SH3PXD2A: variants seen among roughly 807,000 people sequenced by gnomAD.
SH3PXD2A encodes the protein SH3 and PX domain-containing protein 2A.
In SH3PXD2A, 32 loss-of-function variants were observed where a neutral mutation model predicts 115.2. That is an observed-to-expected ratio of 0.28 (90% CI 0.21 to 0.37). The LOEUF (loss-of-function observed/expected upper bound fraction) is 0.37, where lower values mean the gene tolerates loss of function less well. Among genes scored for constraint, SH3PXD2A ranks in the 10% least tolerant of loss-of-function variants. The pLI, the probability that SH3PXD2A is intolerant of heterozygous loss-of-function variation, is 1.00. For missense variants in SH3PXD2A, 1,328 were observed against 1,498.7 expected (o/e 0.89, Z 1.88); for synonymous variants, 610 against 629.1 (o/e 0.97, Z 0.45).
intron 5 of SH3PXD2A, among the ~76,000 whole-genome samples, chr10:103,699,743 C>T (rs934264638): frequency 3.3e-5 from 5 of 152,232 alleles, no homozygotes; most frequent in Non-Finnish European, 1.5e-5. Flanking sequence ...TCTCTGCCCC[C>T]ATTTGCTCCC....
intron 5 of SH3PXD2A, among the ~76,000 whole-genome samples, chr10:103,700,461 T>C (rs1488266692): frequency 6.6e-6 from 1 of 152,154 alleles, no homozygotes; most frequent in Non-Finnish European, 1.5e-5. Flanking sequence ...GCCTACCTTC[T>C]CAGTGTGGCC....
intron 9 of SH3PXD2A, among the ~76,000 whole-genome samples, chr10:103,623,921 GTAA>G (rs2036649796): frequency 6.6e-6 from 1 of 152,236 alleles, no homozygotes; most frequent in South Asian, 2.1e-4. Flanking sequence ...AGCTTTCACA[GTAA>G]GGTGTTGATG....
At chr10:103,744,154 CT>C (rs35901070) in intron 3 of SH3PXD2A, among the ~76,000 whole-genome samples, 15,050 of 136,148 alleles carry the variant, frequency 0.11, 813 homozygotes, top group Non-Finnish European at 0.12. Flanking sequence ...CCCTGCTTGT[CT>C]TTTTTTTTTT....
At position 103,849,135 on chromosome 10, in the gene SH3PXD2A, G is replaced by A. The variant is rs373997458; in HGVS notation, c.72+6060C>T. Among the ~76,000 whole-genome samples, 3 of 151,816 alleles carry A rather than the reference G, an allele frequency of 2.0e-5. No individual in the cohort carries two copies. The East Asian group carries it at 5.8e-4, about 29-fold the overall frequency. On this transcript the variant is annotated intron_variant, in intron 1 of 14. Transcript: ENST00000369774. ...TCCCAGGTGCACCCCTCATCCCCAG[G>A]TGGTGCTGCCTGGACTCACTGGTTA... is the stretch of plus-strand genomic sequence containing the variant.
At chr10:103,793,155 A>G (rs2039051879) in intron 2 of SH3PXD2A, among the ~76,000 whole-genome samples, 1 of 152,214 alleles carries the variant, frequency 6.6e-6, no homozygotes, top group South Asian at 2.1e-4. Context: ...CTTTTCTAAA[A>G]GAGTAAAACA....
Position 103,642,147 on chromosome 10 carries a change from CTTTT to C in SH3PXD2A, c.605-14949_605-14946del, listed in dbSNP as rs35382988. On this transcript the variant is annotated intron_variant, in intron 8 of 14. Coordinates refer to ENST00000369774, the MANE Select transcript of SH3PXD2A (RefSeq NM_001394015.1). ...GGACTGTATATTTAAAGCAATTTGC[CTTTT>C]TTTTTTTTTTTTAACTTCAAGAAAG... Among the ~76,000 whole-genome samples, 11 of 141,204 alleles carry C rather than the reference CTTTT, an allele frequency of 7.8e-5. No individual in the cohort carries two copies. The East Asian group carries it at 1.0e-3, about 13-fold the overall frequency. 92.6% of individuals were successfully genotyped at this position (141,204 alleles called of 152,430 possible).
At chr10:103,606,893 G>T (rs367575892) in intron 13 of SH3PXD2A, among the ~76,000 whole-genome samples, 42 of 152,294 alleles carry the variant, frequency 2.8e-4, no homozygotes, top group Non-Finnish European at 5.6e-4. Flanking sequence ...AGTGCGGAGA[G>T]TGCAGCCTCT....
chr10:103,747,460 C>T (rs567623887), intron 3 of SH3PXD2A, among the ~76,000 whole-genome samples: 143 of 152,270 alleles, frequency 9.4e-4, no homozygotes, highest in Non-Finnish European at 1.5e-3. Flanking sequence ...TCAGGAAAGA[C>T]GGTGGGACGC....
At chr10:103,811,301 G>A (rs1188233881) in intron 1 of SH3PXD2A, among the ~76,000 whole-genome samples, 2 of 152,172 alleles carry the variant, frequency 1.3e-5, no homozygotes, top group East Asian at 1.9e-4. Context: ...AGTCAGCTCC[G>A]CCAAACCTTC....
intron 2 of SH3PXD2A, among the ~76,000 whole-genome samples, chr10:103,788,308 T>C (rs951667818): frequency 2.6e-5 from 4 of 152,132 alleles, no homozygotes; most frequent in Middle Eastern, 3.4e-3. Context: ...ACACAGCTGG[T>C]AAAGGGGCAG....
intron 3 of SH3PXD2A, chr10:103,753,782 G>T (rs1253398995): frequency 6.6e-6 from 1 of 152,156 alleles, no homozygotes; most frequent in Non-Finnish European, 1.5e-5. Context: ...AGTTTAATTT[G>T]TTGAAATTCC....
intron 11 of SH3PXD2A, among the ~76,000 whole-genome samples, chr10:103,616,734 G>A (rs980768026): frequency 1.4e-5 from 2 of 141,016 alleles, no homozygotes; most frequent in African/African-American, 2.6e-5. Flanking sequence ...ACCTGCACCC[G>A]CCCCCGCCCC....
intron 5 of SH3PXD2A, among the ~76,000 whole-genome samples, chr10:103,718,751 C>A (rs2038138737): frequency 6.9e-6 from 1 of 144,728 alleles, no homozygotes. Context: ...CCTCCCTCCC[C>A]CCAATCAGGA....
At chr10:103,639,115 C>T (rs1183517348) in intron 8 of SH3PXD2A, among the ~76,000 whole-genome samples, 4 of 152,224 alleles carry the variant, frequency 2.6e-5, no homozygotes, top group Middle Eastern at 3.4e-3. Context: ...GTGCTGGGTG[C>T]GGCAGGGCGA....
At chr10:103,814,973 T>C (rs927347) in intron 1 of SH3PXD2A, among the ~76,000 whole-genome samples, 85,603 of 152,026 alleles carry the variant, frequency 0.56, 25,323 homozygotes, top group South Asian at 0.69. Context: ...AGGCAAAGTG[T>C]GGCAGGCCAA....
intron 1 of SH3PXD2A, among the ~76,000 whole-genome samples, chr10:103,818,705 G>C (rs1358270829): frequency 6.6e-6 from 1 of 152,164 alleles, no homozygotes; most frequent in Non-Finnish European, 1.5e-5. Flanking sequence ...CCTATGGCTA[G>C]GTGAAATCGG....
At chr10:103,790,988 C>T (rs187133285) in intron 2 of SH3PXD2A, among the ~76,000 whole-genome samples, 1 of 152,360 alleles carries the variant, frequency 6.6e-6, no homozygotes, top group East Asian at 1.9e-4. Context: ...TGATTTCTCT[C>T]CCTGAAAGGG....
chr10:103,667,248 T>C (rs1162712467), intron 7 of SH3PXD2A, among the ~76,000 whole-genome samples: 2 of 152,218 alleles, frequency 1.3e-5, no homozygotes, highest in Middle Eastern at 3.4e-3. Flanking sequence ...TGAGACGTGG[T>C]TAAGTGTCCT....
At chr10:103,717,701 T>G (rs915975354) in intron 5 of SH3PXD2A, among the ~76,000 whole-genome samples, 1 of 152,222 alleles carries the variant, frequency 6.6e-6, no homozygotes, top group Non-Finnish European at 1.5e-5. Context: ...GATGAGAATT[T>G]AAAATGGAAC....
Sources: gnomAD v4.1 joint callset for allele counts (sites outside exome capture counted in the v4.1 genomes callset) on GRCh38, gnomAD v4.1.1 for gene constraint, MANE v1.5 for transcripts, NCBI Gene and HGNC (gene_info 2026-07-23, HGNC 2026-07-21) for gene names.